Variants in DSCAM observed in about 807,000 individuals in gnomAD.
DSCAM encodes cell adhesion molecule DSCAM.
A neutral mutation model predicts 217.7 loss-of-function variants in DSCAM; 47 were observed. The ratio of observed to expected loss-of-function variants is 0.22; its 90% CI spans 0.17 to 0.28. The LOEUF (loss-of-function observed/expected upper bound fraction) is 0.28. DSCAM is among the 10% of genes least tolerant of loss of function. DSCAM has a pLI of 1.00. For synonymous variants in DSCAM, 1,056 were observed against 1,015.3 expected, an observed-to-expected ratio of 1.04 and a Z score of -0.76; for missense variants, 2,080 against 2,618.3, an observed-to-expected ratio of 0.79 and a Z score of 4.49.
chr21:40,464,169 C>T (rs570444386), intron 3 of DSCAM, among the ~76,000 whole-genome samples: 105 of 152,330 alleles, frequency 6.9e-4, no homozygotes, highest in African/African-American at 2.5e-3. Flanking sequence ...TGACTGCTTC[C>T]TTCACACCTC....
At chr21:40,237,954 T>A (rs139424456) in intron 11 of DSCAM, among the ~76,000 whole-genome samples, 1 of 152,228 alleles carries the variant, frequency 6.6e-6, no homozygotes, top group Non-Finnish European at 1.5e-5. Context: ...AGGCATTTTG[T>A]CATGTAAAGT....
chr21:40,453,315 C>A (rs1311842047), intron 3 of DSCAM, among the ~76,000 whole-genome samples: 1 of 152,052 alleles, frequency 6.6e-6, no homozygotes, highest in Non-Finnish European at 1.5e-5. Context: ...AATGCACAGT[C>A]CTGTCATATT....
intron 16 of DSCAM, among the ~76,000 whole-genome samples, chr21:40,166,210 A>G (rs1478344950): frequency 6.6e-6 from 1 of 152,166 alleles, no homozygotes; most frequent in Non-Finnish European, 1.5e-5. Context: ...TGGTTAGAAG[A>G]GGTGTGTGAT....
rs1359165008 is a variant in DSCAM at position 40,652,344 on chromosome 21, CAACAAA to C, written c.508+40460_508+40465del. Among the ~76,000 whole-genome samples the C allele has an allele frequency of 3.3e-3, 120 of 35,970 alleles. 1 individual carries two copies. Among genetic ancestry groups the C allele is most frequent in the African/African-American group, 0.016 (117 of 7,420 alleles). 23.6% of individuals were successfully genotyped at this position (35,970 alleles called of 152,430 possible). Reference sequence around the variant, plus strand: ...GTTGGAAATTTGAAAACAACAACAACAACAAAAAAAAAAAAAAACAACTTCTAGCTA... The same window carrying C: ...GTTGGAAATTTGAAAACAACAACAACAAAAAAAAAAAACAACTTCTAGCTA... On this transcript the variant is annotated intron_variant, in intron 3 of 32. Transcript: ENST00000400454.
At chr21:40,054,032 C>T (rs189591149) in intron 29 of DSCAM, among the ~76,000 whole-genome samples, 1 of 152,276 alleles carries the variant, frequency 6.6e-6, no homozygotes, top group Non-Finnish European at 1.5e-5. Flanking sequence ...TTAAATAATG[C>T]ATATAAATGG....
chr21:40,266,670 T>TATATATATATATATATATAA lies in DSCAM; in HGVS notation c.2356+9426_2356+9427insTTATATATATATATATATAT, dbSNP rs201198571. Among the ~76,000 whole-genome samples the TATATATATATATATATATAA allele has an allele frequency of 9.7e-4, 117 of 120,628 alleles. 3 individuals are homozygous for TATATATATATATATATATAA. The highest frequency in any genetic ancestry group is 4.2e-3 in the African/African-American group (104 of 24,646). 79.1% of individuals were successfully genotyped at this position (120,628 alleles called of 152,430 possible). Reference sequence around the variant, plus strand: ...ATATATATATATATATATATATATATAATCTTGAAATTTTATATATATAAA... The same window carrying TATATATATATATATATATAA: ...ATATATATATATATATATATATATATATATATATATATATATATAAAATCTTGAAATTTTATATATATAAA... On this transcript the variant is annotated intron_variant, in intron 11 of 32. Coordinates refer to ENST00000400454, the MANE Select transcript of DSCAM (RefSeq NM_001389.5).
Position 40,714,666 on chromosome 21 carries a change from C to T in DSCAM, c.44-5895G>A, listed in dbSNP as rs540392360. ...TAGCTCATGGCTGGAGGGAATTTGC[C>T]TCTAGATGAATCATGCCTGAGTCTC... is the stretch of plus-strand genomic sequence containing the variant. On this transcript the variant is annotated intron_variant, in intron 1 of 32. Transcript: ENST00000400454. Among the ~76,000 whole-genome samples the T allele has an allele frequency of 3.3e-5, 5 of 152,246 alleles. 1 individual carries two copies. In the East Asian group the frequency reaches 9.7e-4, roughly 29 times the overall value.
intron 28 of DSCAM, among the ~76,000 whole-genome samples, chr21:40,058,838 C>G (rs9647077): frequency 0.29 from 44,742 of 152,092 alleles, 6,845 homozygotes; most frequent in African/African-American, 0.36. Context: ...CCTGGAAAAA[C>G]AGTCCAAATG....
Position 40,686,805 on chromosome 21 carries a change from G to T in DSCAM, c.508+6005C>A, listed in dbSNP as rs369293337. ...ACCCCCATTCTTGGTGTCACACAGG[G>T]GCTCTCCAGAGCTGTAAACAACCAG... On this transcript the variant is annotated intron_variant, in intron 3 of 32. Coordinates refer to ENST00000400454, the MANE Select transcript of DSCAM (RefSeq NM_001389.5). Among the ~76,000 whole-genome samples the T allele has an allele frequency of 1.9e-3, 288 of 152,220 alleles. 2 individuals carry two copies. The highest frequency in any genetic ancestry group is 6.6e-3 in the African/African-American group (275 of 41,544).
At chr21:40,297,485 T>A (rs2073967913) in intron 9 of DSCAM, among the ~76,000 whole-genome samples, 1 of 152,186 alleles carries the variant, frequency 6.6e-6, no homozygotes, top group African/African-American at 2.4e-5. Flanking sequence ...GCTAATCTCA[T>A]CAGCCTTGCA....
chr21:40,456,131 T>G (rs2075761597), intron 3 of DSCAM, among the ~76,000 whole-genome samples: 1 of 151,780 alleles, frequency 6.6e-6, no homozygotes, highest in Non-Finnish European at 1.5e-5. Context: ...TAAATATAAT[T>G]TTTTTAAATA....
chr21:40,802,755 G>A (rs2091753503), intron 1 of DSCAM, among the ~76,000 whole-genome samples: 1 of 152,202 alleles, frequency 6.6e-6, no homozygotes, highest in African/African-American at 2.4e-5. Flanking sequence ...TCTGCAAAGG[G>A]TCCTCACCAG....
chr21:40,077,634 A>G (rs1568928407), intron 26 of DSCAM, among the ~76,000 whole-genome samples: 1 of 152,198 alleles, frequency 6.6e-6, no homozygotes, highest in East Asian at 1.9e-4. Context: ...CCTCTGTCTA[A>G]TTTTACAGCC....
At chr21:40,462,905 T>C (rs527779998) in intron 3 of DSCAM, among the ~76,000 whole-genome samples, 1 of 152,318 alleles carries the variant, frequency 6.6e-6, no homozygotes, top group East Asian at 1.9e-4. Context: ...TTCTGAAAAG[T>C]CAACTGATAT....
intron 3 of DSCAM, among the ~76,000 whole-genome samples, chr21:40,439,942 T>C (rs1760333441): frequency 2.6e-5 from 4 of 152,218 alleles, no homozygotes; most frequent in Admixed American, 2.6e-4. Flanking sequence ...GGTGTGAATA[T>C]AGCCAAACCA....
At chr21:40,837,970 G>T (rs773760282) in intron 1 of DSCAM, among the ~76,000 whole-genome samples, 7 of 152,136 alleles carry the variant, frequency 4.6e-5, no homozygotes, top group Non-Finnish European at 1.0e-4. Flanking sequence ...TGGATTTTCT[G>T]TATCTCTATG....
chr21:40,665,556 C>A (rs77265072), intron 3 of DSCAM, among the ~76,000 whole-genome samples: 2,175 of 152,286 alleles, frequency 0.014, 69 homozygotes, highest in African/African-American at 0.049. Flanking sequence ...CTCTGACAGG[C>A]CAGGTCCCCT....
chr21:40,066,027 C>A (rs73221360), intron 27 of DSCAM, among the ~76,000 whole-genome samples: 1 of 152,204 alleles, frequency 6.6e-6, no homozygotes, highest in Non-Finnish European at 1.5e-5. Flanking sequence ...GTGCAAAGCC[C>A]TCCATCGTCC....
intron 32 of DSCAM, among the ~76,000 whole-genome samples, chr21:40,032,166 G>T (rs2088538520): frequency 6.6e-6 from 1 of 152,168 alleles, no homozygotes; most frequent in Non-Finnish European, 1.5e-5. Flanking sequence ...TCTGCTTCAG[G>T]TGGTCCCCAA....
Sources: gnomAD v4.1 joint callset for allele counts (sites outside exome capture counted in the v4.1 genomes callset) on GRCh38, gnomAD v4.1.1 for gene constraint, MANE v1.5 for transcripts, NCBI Gene and HGNC (gene_info 2026-07-23, HGNC 2026-07-21) for gene names.